CAB39: variants seen among roughly 807,000 people sequenced by gnomAD.
The protein encoded by CAB39 is calcium-binding protein 39.
A neutral mutation model predicts 40.0 loss-of-function variants in CAB39; 8 were observed. The observed-to-expected ratio is 0.20, with a 90% confidence interval of 0.12 to 0.36. The LOEUF (loss-of-function observed/expected upper bound fraction) is 0.36. CAB39 is among the 10% of genes least tolerant of loss of function. The pLI, the probability that CAB39 is intolerant of heterozygous loss-of-function variation, is 1.00. For synonymous variants in CAB39, 156 were observed against 141.6 expected, an observed-to-expected ratio of 1.10 and a Z score of -0.72; for missense variants, 270 against 401.1, an observed-to-expected ratio of 0.67 and a Z score of 2.79.
In CAB39 at chr2:230,742,260, C is replaced by T. The variant is rs180855419; in HGVS notation, c.-43-17699C>T. Among the ~76,000 whole-genome samples, 1,087 of 152,130 alleles carry T rather than the reference C, an allele frequency of 7.1e-3. 9 individuals carry two copies. The highest frequency in any genetic ancestry group is 0.012 in the Non-Finnish European group (806 of 67,998). On this transcript the variant is annotated intron_variant, in intron 1 of 8. Coordinates refer to ENST00000258418, the MANE Select transcript of CAB39 (RefSeq NM_016289.4). ...TGCGATCTTGGCTCACTGCAAGCTC[C>T]GTCTCCCGGGTTCACGCCATTCTCC... is the stretch of plus-strand genomic sequence containing the variant.
rs544039583 is a variant in CAB39, at chr2:230,724,171, C to T, written c.-44+10941C>T. Among the ~76,000 whole-genome samples, 164 of 151,424 alleles carry T rather than the reference C, an allele frequency of 1.1e-3. 1 individual carries two copies. The highest frequency in any genetic ancestry group is 2.5e-3 in the South Asian group (12 of 4,806). ...CTGAGGCATAAGAATTGCTTGAACC[C>T]GGGAGGTGGAGGTTGCAGCGCGCCG... is the stretch of plus-strand genomic sequence containing the variant. On this transcript the variant is annotated intron_variant, in intron 1 of 8. Coordinates refer to ENST00000258418, the MANE Select transcript of CAB39 (RefSeq NM_016289.4).
chr2:230,730,194 C>G (rs182250310), intron 1 of CAB39, among the ~76,000 whole-genome samples: 8 of 152,226 alleles, frequency 5.3e-5, no homozygotes, highest in African/African-American at 1.9e-4. Context: ...ACTTCAGCCT[C>G]GACCTCCTAG....
At position 230,810,342 on chromosome 2, in the gene CAB39, T is replaced by C; in HGVS notation, c.627+20T>C. On this transcript the variant is annotated intron_variant, in intron 6 of 8. Coordinates refer to ENST00000258418, the MANE Select transcript of CAB39 (RefSeq NM_016289.4). ...GATAGAGTAAGTATATGAAATACTA[T>C]TTTTAAATAATAAATTGTAACTTTT... 2 of 915,164 alleles carry C rather than the reference T, an allele frequency of 2.2e-6. No homozygotes were observed. Among genetic ancestry groups the C allele is most frequent in the Non-Finnish European group, 3.3e-6 (2 of 610,578 alleles). 56.7% of individuals were successfully genotyped at this position (915,164 alleles called of 1,614,324 possible).
intron 2 of CAB39, among the ~76,000 whole-genome samples, chr2:230,787,933 TAAC>T (rs1190884694): frequency 1.3e-5 from 2 of 152,222 alleles, no homozygotes; most frequent in Admixed American, 6.5e-5. Flanking sequence ...TAAATTTGTC[TAAC>T]AACTATCTGA....
chr2:230,781,369 G>C (rs1242268203), intron 2 of CAB39, among the ~76,000 whole-genome samples: 1 of 152,202 alleles, frequency 6.6e-6, no homozygotes, highest in East Asian at 1.9e-4. Context: ...TTAAAGGATT[G>C]TTTCTGAGCT....
intron 4 of CAB39, among the ~76,000 whole-genome samples, chr2:230,796,735 G>C (rs936402047): frequency 3.9e-5 from 6 of 152,028 alleles, no homozygotes; most frequent in African/African-American, 1.2e-4. Flanking sequence ...AGGATAAAAT[G>C]TGGTTTGGGT....
chr2:230,718,031 A>G (rs1005554098), intron 1 of CAB39, among the ~76,000 whole-genome samples: 6 of 152,184 alleles, frequency 3.9e-5, no homozygotes, highest in Non-Finnish European at 8.8e-5. Flanking sequence ...TGTTTAAGTT[A>G]TAGATTGTGT....
At chr2:230,786,097 G>A (rs1348550785) in intron 2 of CAB39, among the ~76,000 whole-genome samples, 1 of 144,246 alleles carries the variant, frequency 6.9e-6, no homozygotes, top group Non-Finnish European at 1.5e-5. Flanking sequence ...CCGGGAGGTG[G>A]AACTTGCAGT....
chr2:230,801,420 T>G (rs141527033), intron 5 of CAB39, among the ~76,000 whole-genome samples: 1 of 152,318 alleles, frequency 6.6e-6, no homozygotes, highest in Non-Finnish European at 1.5e-5. Flanking sequence ...GCAGAGCATA[T>G]TCTTATAATG....
Position 230,730,385 on chromosome 2 carries a change from T to C in CAB39, c.-44+17155T>C, listed in dbSNP as rs539456757. ...GAATTGTGATAATTAAGCTACCCTT[T>C]ATATGAAAATATATCTGTTGGGAGA... On this transcript the variant is annotated intron_variant, in intron 1 of 8. Coordinates refer to ENST00000258418, the MANE Select transcript of CAB39 (RefSeq NM_016289.4). Among the ~76,000 whole-genome samples the C allele has an allele frequency of 1.9e-4, 29 of 152,296 alleles. No homozygotes were observed. The South Asian group carries it at 6.0e-3, about 32-fold the overall frequency.
At chr2:230,778,971 A>G (rs1372998766) in intron 2 of CAB39, 3 of 152,150 alleles carry the variant, frequency 2.0e-5, no homozygotes, top group Admixed American at 1.3e-4. Flanking sequence ...GCGTGACTAT[A>G]GTTACCTATG....
chr2:230,758,496 A>G (rs1695233082), intron 1 of CAB39, among the ~76,000 whole-genome samples: 1 of 152,136 alleles, frequency 6.6e-6, no homozygotes, highest in Non-Finnish European at 1.5e-5. Context: ...CTTGTTTATG[A>G]TTTAGTTGTA....
rs557961632 is a variant in CAB39 at position 230,800,628 on chromosome 2, G to C, written c.567+1731G>C. Among the ~76,000 whole-genome samples, 2 of 152,252 alleles carry C rather than the reference G, an allele frequency of 1.3e-5. 1 individual carries two copies. Among genetic ancestry groups the C allele is most frequent in the South Asian group, 4.1e-4 (2 of 4,824 alleles). On this transcript the variant is annotated intron_variant, in intron 5 of 8. Coordinates refer to ENST00000258418, the MANE Select transcript of CAB39 (RefSeq NM_016289.4). ...ATGTGTCAAAGAGAGATTCCCCTGT[G>C]TGGAAGGACAGCCAGGAGCCTGAGG...
At chr2:230,722,428 A>G (rs1170118837) in intron 1 of CAB39, among the ~76,000 whole-genome samples, 1 of 152,172 alleles carries the variant, frequency 6.6e-6, no homozygotes, top group Non-Finnish European at 1.5e-5. Flanking sequence ...GAATGCTGGG[A>G]TTACAGGCTT....
intron 1 of CAB39, among the ~76,000 whole-genome samples, chr2:230,748,091 A>G (rs1016617789): frequency 6.6e-6 from 1 of 150,536 alleles, no homozygotes; most frequent in East Asian, 1.9e-4. Context: ...GGCTCTTATT[A>G]TTTAAGTCTC....
intron 4 of CAB39, among the ~76,000 whole-genome samples, chr2:230,794,191 T>C (rs1010205630): frequency 6.6e-6 from 1 of 152,242 alleles, no homozygotes; most frequent in Non-Finnish European, 1.5e-5. Flanking sequence ...TTCACGTCTC[T>C]GCGGTTTAAC....
chr2:230,767,050 T>C (rs1282149829), intron 2 of CAB39, among the ~76,000 whole-genome samples: 1 of 152,194 alleles, frequency 6.6e-6, no homozygotes, highest in Admixed American at 6.5e-5. Context: ...CTGGCCTATG[T>C]TATTAGAAGT....
At chr2:230,760,431 T>C (rs1468255527) in intron 2 of CAB39, among the ~76,000 whole-genome samples, 2 of 152,324 alleles carry the variant, frequency 1.3e-5, no homozygotes, top group Non-Finnish European at 2.9e-5. Flanking sequence ...TTGCCCAGGC[T>C]AGTCTCAAAC....
At chr2:230,786,865 A>G (rs1695803464) in intron 2 of CAB39, among the ~76,000 whole-genome samples, 1 of 152,222 alleles carries the variant, frequency 6.6e-6, no homozygotes, top group Non-Finnish European at 1.5e-5. Context: ...CTATTGCTAA[A>G]TGATTTTCTC....
Sources: allele counts gnomAD v4.1 joint callset (sites outside exome capture counted in the v4.1 genomes callset), GRCh38; gene constraint gnomAD v4.1.1; transcripts MANE v1.5; gene names NCBI Gene and HGNC (gene_info 2026-07-23, HGNC 2026-07-21).